Variants in MPP7 observed in about 807,000 individuals in gnomAD.
The protein encoded by MPP7 is MAGUK p55 scaffold protein 7.
Under a neutral mutation model 76.5 loss-of-function variants are expected in MPP7, and 60 were observed. That is an observed-to-expected ratio of 0.78 (90% CI 0.64 to 0.97). The LOEUF (loss-of-function observed/expected upper bound fraction) is 0.97. MPP7 is among the 50% of genes least tolerant of loss of function. The pLI is 0.00. For synonymous variants in MPP7, 237 were observed against 244.5 expected (o/e 0.97, Z 0.29); for missense variants, 641 against 694.0 (o/e 0.92, Z 0.86).
chr10:28,327,622 CTA>C (rs1564773864), intron 2 of MPP7, among the ~76,000 whole-genome samples: 1 of 152,084 alleles, frequency 6.6e-6, no homozygotes, highest in Non-Finnish European at 1.5e-5. Flanking sequence ...AATCTAGCTC[CTA>C]TTGTTCCAGC....
Position 28,069,855 on chromosome 10 carries a change from G to C in MPP7, c.1124-3C>G. Reference sequence around the variant, plus strand: ...ATTCAGCCCTACTCCCACGGGACCTGAAAAACAGGGTAACAGAAATTCATT... The same window carrying C: ...ATTCAGCCCTACTCCCACGGGACCTCAAAAACAGGGTAACAGAAATTCATT... On this transcript the variant is annotated splice_polypyrimidine_tract_variant and splice_region_variant and intron_variant, in intron 12 of 16. Coordinates refer to ENST00000683449, the MANE Select transcript of MPP7 (RefSeq NM_001318170.2). 6.2e-7 allele frequency: 1 copy of C among 1,612,146 alleles called. No homozygotes were observed. The highest frequency in any genetic ancestry group is 8.5e-7 in the Non-Finnish European group (1 of 1,178,614).
intron 3 of MPP7, among the ~76,000 whole-genome samples, chr10:28,197,296 C>T (rs894233035): frequency 5.3e-5 from 8 of 151,692 alleles, no homozygotes; most frequent in African/African-American, 1.9e-4. Context: ...AATTCTCATG[C>T]CTCAGCCTCC....
rs568473559 is a variant in MPP7 at position 28,081,821 on chromosome 10, C to T, written c.1123+7850G>A. ...GCTCTGTCACTCAGTGGCACAGTCT[C>T]GGCTCAGTGCAACCTCCAACTCCCA... On this transcript the variant is annotated intron_variant, in intron 12 of 16. Coordinates refer to ENST00000683449, the MANE Select transcript of MPP7 (RefSeq NM_001318170.2). Among the ~76,000 whole-genome samples, 4 of 150,078 alleles carry T rather than the reference C, an allele frequency of 2.7e-5. No homozygotes were observed. The South Asian group carries it at 6.3e-4, about 24-fold the overall frequency.
At chr10:28,197,349 A>C (rs1486630971) in intron 3 of MPP7, among the ~76,000 whole-genome samples, 2 of 151,880 alleles carry the variant, frequency 1.3e-5, no homozygotes. Context: ...TGCCTGGCTA[A>C]TTTTTGTATT....
chr10:28,290,630 A>C (rs1268313842), intron 1 of MPP7, among the ~76,000 whole-genome samples: 8 of 151,902 alleles, frequency 5.3e-5, no homozygotes, highest in Non-Finnish European at 1.5e-5. Flanking sequence ...ATGCCACCAC[A>C]ACCAGTTAAC....
At chr10:28,130,262 C>A (rs1305566416) in intron 6 of MPP7, among the ~76,000 whole-genome samples, 1 of 152,042 alleles carries the variant, frequency 6.6e-6, no homozygotes, top group Non-Finnish European at 1.5e-5. Context: ...AGCTGATGTT[C>A]AAAAACACTT....
At chr10:28,099,634 G>A (rs1164863309) in intron 11 of MPP7, among the ~76,000 whole-genome samples, 4 of 152,092 alleles carry the variant, frequency 2.6e-5, no homozygotes, top group East Asian at 1.9e-4. Context: ...GAGAAACCCC[G>A]TCTCTACTAA....
intron 3 of MPP7, among the ~76,000 whole-genome samples, chr10:28,167,108 C>T (rs780023295): frequency 2.0e-5 from 3 of 151,930 alleles, no homozygotes; most frequent in Non-Finnish European, 4.4e-5. Context: ...CTCAGGAGTT[C>T]GAGACCAGCC....
At chr10:28,065,091 A>G (rs1013819410) in intron 13 of MPP7, among the ~76,000 whole-genome samples, 1 of 152,254 alleles carries the variant, frequency 6.6e-6, no homozygotes, top group African/African-American at 2.4e-5. Context: ...TAGTAAGCCT[A>G]AGTAAAAAGT....
intron 1 of MPP7, among the ~76,000 whole-genome samples, chr10:28,300,964 A>AG (rs1337778660): frequency 1.3e-5 from 2 of 150,470 alleles, no homozygotes; most frequent in Non-Finnish European, 3.0e-5. Flanking sequence ...AAAAAAAAAA[A>AG]GAGTTCCATT....
intron 11 of MPP7, among the ~76,000 whole-genome samples, chr10:28,096,494 C>T (rs1049690015): frequency 5.9e-5 from 9 of 152,078 alleles, no homozygotes; most frequent in Admixed American, 4.6e-4. Context: ...GGAGTAGAGT[C>T]TTCATAAATA....
At chr10:28,073,828 T>C (rs1852356284) in intron 12 of MPP7, among the ~76,000 whole-genome samples, 1 of 152,054 alleles carries the variant, frequency 6.6e-6, no homozygotes, top group South Asian at 2.1e-4. Context: ...ATCTGAACCC[T>C]GCCCTGTCTG....
chr10:28,210,647 T>G (rs1007983749), intron 2 of MPP7, among the ~76,000 whole-genome samples: 6 of 152,182 alleles, frequency 3.9e-5, no homozygotes, highest in Non-Finnish European at 8.8e-5. Context: ...CAAAGACACA[T>G]AAAGATGTTT....
intron 3 of MPP7, among the ~76,000 whole-genome samples, chr10:28,151,940 A>G (rs1463372306): frequency 6.6e-6 from 1 of 152,200 alleles, no homozygotes; most frequent in Non-Finnish European, 1.5e-5. Flanking sequence ...AACAAATCGC[A>G]GTGACTGCTT....
At chr10:28,149,024 G>C (rs1392180767) in intron 4 of MPP7, among the ~76,000 whole-genome samples, 1 of 151,956 alleles carries the variant, frequency 6.6e-6, no homozygotes, top group African/African-American at 2.4e-5. Context: ...AATCTTTGTA[G>C]ATAAAAACAA....
chr10:28,217,537 A>G (rs201893465), intron 2 of MPP7, among the ~76,000 whole-genome samples: 6 of 138,174 alleles, frequency 4.3e-5, no homozygotes, highest in East Asian at 2.2e-4. Flanking sequence ...AAAAAAAAAA[A>G]AAAAGAAAAG....
chr10:28,151,747 G>A (rs1253186343), intron 3 of MPP7, among the ~76,000 whole-genome samples: 1 of 152,194 alleles, frequency 6.6e-6, no homozygotes, highest in East Asian at 1.9e-4. Flanking sequence ...CTATGTTCTT[G>A]CAGACAGTAA....
intron 11 of MPP7, among the ~76,000 whole-genome samples, chr10:28,112,296 T>C (rs2133570055): frequency 6.6e-6 from 1 of 152,272 alleles, no homozygotes; most frequent in South Asian, 2.1e-4. Flanking sequence ...AGTGGGTTGT[T>C]AAACATAGAG....
At position 28,060,678 on chromosome 10, in the gene MPP7, G is replaced by C. The variant is rs112098879; in HGVS notation, c.1205-935C>G. On this transcript the variant is annotated intron_variant, in intron 13 of 16. Transcript: ENST00000683449. ...TTCTGGTGCAAAGAACTTGGGACGGGGGGTAGAAAAAGTCCTTGTGGGCTG... is the reference window on the plus strand; with the variant it reads ...TTCTGGTGCAAAGAACTTGGGACGGCGGGTAGAAAAAGTCCTTGTGGGCTG... Among the ~76,000 whole-genome samples, 1,177 of 152,316 alleles carry C rather than the reference G, an allele frequency of 7.7e-3. 15 individuals are homozygous for C. The highest frequency in any genetic ancestry group is 0.027 in the African/African-American group (1,119 of 41,560).
Sources: gnomAD v4.1 joint callset for allele counts (sites outside exome capture counted in the v4.1 genomes callset) on GRCh38, gnomAD v4.1.1 for gene constraint, MANE v1.5 for transcripts, NCBI Gene and HGNC (gene_info 2026-07-23, HGNC 2026-07-21) for gene names.